The following FOXN3 variants were observed in gnomAD, a reference collection of about 807,000 sequenced individuals.
FOXN3 encodes forkhead box protein N3.
FOXN3 carries 7 observed loss-of-function variants against 38.4 expected under a neutral mutation model. The ratio of observed to expected loss-of-function variants is 0.18; its 90% CI spans 0.10 to 0.34. The LOEUF is 0.34. FOXN3 is among the 10% of genes least tolerant of loss of function. FOXN3 has a pLI of 1.00. For missense variants in FOXN3, 456 were observed against 613.4 expected, an observed-to-expected ratio of 0.74 and a Z score of 2.71; for synonymous variants, 230 against 242.2, an observed-to-expected ratio of 0.95 and a Z score of 0.47.
At chr14:89,290,106 G>C (rs1049583211) in intron 3 of FOXN3, 1 of 175,912 alleles carries the variant, frequency 5.7e-6, no homozygotes, top group Non-Finnish European at 1.2e-5. Flanking sequence ...CAGAATTGTC[G>C]GAGGCCAAAA....
chr14:89,240,277 AG>A (rs1363320478), intron 4 of FOXN3, among the ~76,000 whole-genome samples: 3 of 143,238 alleles, frequency 2.1e-5, no homozygotes, highest in African/African-American at 8.1e-5. Flanking sequence ...GCAATTCAAT[AG>A]GAAAAAAAAA....
At chr14:89,296,079 T>G (rs1887031232) in intron 3 of FOXN3, among the ~76,000 whole-genome samples, 1 of 152,224 alleles carries the variant, frequency 6.6e-6, no homozygotes, top group Admixed American at 6.5e-5. Flanking sequence ...ATTCCTCTTT[T>G]CTGTGATTTC....
chr14:89,511,223 CTTT>C (rs879929112), intron 1 of FOXN3, among the ~76,000 whole-genome samples: 2,358 of 20,178 alleles, frequency 0.12, 911 homozygotes, highest in Non-Finnish European at 0.38. Context: ...TTCTTTCTTT[CTTT>C]CTTTTCTTTC....
chr14:89,608,755 G>T (rs546505681), intron 1 of FOXN3, among the ~76,000 whole-genome samples: 1 of 152,324 alleles, frequency 6.6e-6, no homozygotes, highest in East Asian at 1.9e-4. Context: ...AACTGGGGAT[G>T]GGGTAGGCGA....
chr14:89,214,350 G>A (rs74688122), intron 4 of FOXN3, among the ~76,000 whole-genome samples: 6,152 of 152,258 alleles, frequency 0.04, 202 homozygotes, highest in African/African-American at 0.084. Context: ...TGCACCGTGC[G>A]GATGACTGCA....
intron 1 of FOXN3, among the ~76,000 whole-genome samples, chr14:89,560,641 C>T (rs1566700338): frequency 1.3e-5 from 2 of 152,218 alleles, no homozygotes; most frequent in Non-Finnish European, 2.9e-5. Context: ...ATAGACCAAA[C>T]ATTAACATAA....
chr14:89,455,967 G>A (rs757029632), intron 1 of FOXN3, among the ~76,000 whole-genome samples: 6 of 152,026 alleles, frequency 3.9e-5, no homozygotes, highest in African/African-American at 7.2e-5. Context: ...AGGCCAAGGC[G>A]GGCAGATCAC....
chr14:89,384,704 T>C (rs980824662), intron 2 of FOXN3, among the ~76,000 whole-genome samples: 1 of 152,096 alleles, frequency 6.6e-6, no homozygotes, highest in Non-Finnish European at 1.5e-5. Flanking sequence ...AGCCCTGTCT[T>C]ATGGTTCCAC....
intron 1 of FOXN3, among the ~76,000 whole-genome samples, chr14:89,506,332 T>G (rs1480794997): frequency 9.8e-5 from 6 of 61,206 alleles, no homozygotes; most frequent in South Asian, 6.3e-4. Flanking sequence ...GGTGGGGGGG[T>G]CAGCCCCCCG....
At chr14:89,211,036 T>G (rs1884077492) in intron 4 of FOXN3, among the ~76,000 whole-genome samples, 2 of 152,208 alleles carry the variant, frequency 1.3e-5, no homozygotes, top group Admixed American at 1.3e-4. Flanking sequence ...AAAGCCATAG[T>G]GGATTTATTG....
In FOXN3 at chr14:89,204,238, G is replaced by A. The variant is rs150367711; in HGVS notation, c.746-23432C>T. On this transcript the variant is annotated intron_variant, in intron 4 of 5. Coordinates refer to ENST00000557258, the MANE Select transcript of FOXN3 (RefSeq NM_005197.4). ...GACTTGGGATACTTATTCTGGCTTC[G>A]GTCTGTCCACACTGAGAGCCACTCC... Among the ~76,000 whole-genome samples, 4 of 152,178 alleles carry A rather than the reference G, an allele frequency of 2.6e-5. No homozygotes were observed. In the East Asian group the frequency reaches 5.8e-4, roughly 22 times the overall value.
chr14:89,169,216 G>T (rs976517705), intron 5 of FOXN3, among the ~76,000 whole-genome samples: 7 of 152,132 alleles, frequency 4.6e-5, no homozygotes, highest in African/African-American at 1.7e-4. Context: ...TGAGGGAAGT[G>T]AATCTCTTGA....
chr14:89,213,905 G>A (rs963470545), intron 4 of FOXN3, among the ~76,000 whole-genome samples: 1 of 152,188 alleles, frequency 6.6e-6, no homozygotes, highest in Non-Finnish European at 1.5e-5. Flanking sequence ...TATACTCACT[G>A]TAACAGTAAC....
intron 1 of FOXN3, among the ~76,000 whole-genome samples, chr14:89,581,492 A>C: frequency 6.6e-6 from 1 of 151,530 alleles, no homozygotes; most frequent in East Asian, 1.9e-4. Flanking sequence ...CAAAGAAAAA[A>C]AAAAAGAGAA....
chr14:89,285,093 G>A (rs1886581267), intron 3 of FOXN3, among the ~76,000 whole-genome samples: 1 of 152,156 alleles, frequency 6.6e-6, no homozygotes, highest in African/African-American at 2.4e-5. Flanking sequence ...TATAAACCAA[G>A]ACCCTGGAAG....
At chr14:89,324,108 G>A (rs1887974109) in intron 3 of FOXN3, among the ~76,000 whole-genome samples, 2 of 152,172 alleles carry the variant, frequency 1.3e-5, no homozygotes, top group African/African-American at 2.4e-5. Context: ...AGAATGAAAA[G>A]TATCCACCAA....
At chr14:89,204,052 T>TACACACACACAC (rs10559428) in intron 4 of FOXN3, among the ~76,000 whole-genome samples, 4 of 133,760 alleles carry the variant, frequency 3.0e-5, no homozygotes, top group Non-Finnish European at 3.2e-5. Flanking sequence ...CATACTCCCT[T>TACACACACACAC]ACACACACAC....
At chr14:89,281,224 T>C (rs936703005) in intron 3 of FOXN3, among the ~76,000 whole-genome samples, 2 of 152,208 alleles carry the variant, frequency 1.3e-5, no homozygotes, top group African/African-American at 4.8e-5. Context: ...ATTCTGCTTA[T>C]CATCTTGACC....
intron 4 of FOXN3, among the ~76,000 whole-genome samples, chr14:89,215,394 T>C (rs1884240703): frequency 6.6e-6 from 1 of 152,020 alleles, no homozygotes; most frequent in African/African-American, 2.4e-5. Context: ...CAACAAGATA[T>C]CTGACTTCTT....
Sources: gnomAD v4.1 joint callset for allele counts (sites outside exome capture counted in the v4.1 genomes callset) on GRCh38, gnomAD v4.1.1 for gene constraint, MANE v1.5 for transcripts, NCBI Gene and HGNC (gene_info 2026-07-23, HGNC 2026-07-21) for gene names.